Variants in PLCB4 observed in about 807,000 individuals in gnomAD.
The protein encoded by PLCB4 is phospholipase C beta 4.
Under a neutral mutation model 178.8 loss-of-function variants are expected in PLCB4, and 77 were observed. The observed-to-expected ratio is 0.43, with a 90% CI of 0.36 to 0.52. The LOEUF (loss-of-function observed/expected upper bound fraction) is 0.52, where lower values mean the gene tolerates loss of function less well. Among genes scored for constraint, PLCB4 ranks in the 20% least tolerant of loss-of-function variants. PLCB4 has a pLI of 0.00. For synonymous variants in PLCB4, 496 were observed against 490.8 expected, an observed-to-expected ratio of 1.01 and a Z score of -0.14; for missense variants, 1,024 against 1,453.4, an observed-to-expected ratio of 0.70 and a Z score of 4.80.
At chr20:9,260,457 G>C (rs917057547) in intron 3 of PLCB4, among the ~76,000 whole-genome samples, 5 of 152,006 alleles carry the variant, frequency 3.3e-5, no homozygotes, top group African/African-American at 1.2e-4. Context: ...ATGGCACAGT[G>C]GTTCCCTTTG....
At chr20:9,474,816 C>T (rs1304650265) in intron 38 of PLCB4, among the ~76,000 whole-genome samples, 1 of 152,104 alleles carries the variant, frequency 6.6e-6, no homozygotes, top group Admixed American at 6.5e-5. Flanking sequence ...GTTATGTTTC[C>T]CATTTCCTTT....
intron 12 of PLCB4, among the ~76,000 whole-genome samples, chr20:9,373,824 C>A (rs2036449002): frequency 6.6e-6 from 1 of 152,176 alleles, no homozygotes; most frequent in Non-Finnish European, 1.5e-5. Flanking sequence ...CTAAAATGAA[C>A]TACTTTTTTC....
chr20:9,330,979 T>C (rs2031561254), intron 4 of PLCB4, among the ~76,000 whole-genome samples: 1 of 152,206 alleles, frequency 6.6e-6, no homozygotes, highest in South Asian at 2.1e-4. Context: ...ACATTCTCAA[T>C]ATTAATTCTT....
At chr20:9,406,877 C>T (rs2076957854) in intron 21 of PLCB4, among the ~76,000 whole-genome samples, 2 of 152,156 alleles carry the variant, frequency 1.3e-5, no homozygotes, top group Non-Finnish European at 2.9e-5. Context: ...GGAAATTTAG[C>T]TTTGCAAAGT....
intron 2 of PLCB4, among the ~76,000 whole-genome samples, chr20:9,202,932 A>G (rs1399310381): frequency 6.6e-6 from 1 of 151,574 alleles, no homozygotes; most frequent in Non-Finnish European, 1.5e-5. Context: ...CCATCAAAAA[A>G]ACAAAAACAA....
chr20:9,316,226 C>G (rs2147929025), intron 4 of PLCB4, among the ~76,000 whole-genome samples: 1 of 152,160 alleles, frequency 6.6e-6, no homozygotes, highest in East Asian at 1.9e-4. Context: ...ATTCTCAGGC[C>G]CATCCCACGG....
chr20:9,251,278 C>T (rs750747393), intron 3 of PLCB4, among the ~76,000 whole-genome samples: 24 of 152,164 alleles, frequency 1.6e-4, no homozygotes, highest in Admixed American at 3.3e-4. Flanking sequence ...GTCCTCATAT[C>T]GGCTGCATAG....
chr20:9,108,925 GAA>G (rs375932010), intron 2 of PLCB4, among the ~76,000 whole-genome samples: 30 of 134,184 alleles, frequency 2.2e-4, no homozygotes, highest in South Asian at 2.5e-4. Flanking sequence ...GAGAGAGAGA[GAA>G]AGAGAGAGAG....
At chr20:9,386,506 T>A (rs879930224) in intron 14 of PLCB4, among the ~76,000 whole-genome samples, 7 of 152,068 alleles carry the variant, frequency 4.6e-5, no homozygotes, top group Non-Finnish European at 8.8e-5. Flanking sequence ...TTTTTTTGGA[T>A]ATGGAAATAT....
chr20:9,263,109 A>G (rs140528724), intron 3 of PLCB4, among the ~76,000 whole-genome samples: 60 of 152,228 alleles, frequency 3.9e-4, no homozygotes, highest in African/African-American at 1.2e-3. Context: ...TTCAATCCCA[A>G]ACTCTCAAGA....
chr20:9,155,023 T>C (rs909416827), intron 2 of PLCB4, among the ~76,000 whole-genome samples: 1 of 150,924 alleles, frequency 6.6e-6, no homozygotes, highest in Non-Finnish European at 1.5e-5. Context: ...TAGTGGTGAA[T>C]TCTGAGATTT....
At chr20:9,227,177 C>T (rs1214196038) in intron 3 of PLCB4, among the ~76,000 whole-genome samples, 2 of 144,930 alleles carry the variant, frequency 1.4e-5, no homozygotes, top group East Asian at 4.1e-4. Flanking sequence ...CATTGTAAGA[C>T]TTTTTTTTTT....
chr20:9,231,975 G>A (rs543820130), intron 3 of PLCB4, among the ~76,000 whole-genome samples: 2 of 152,116 alleles, frequency 1.3e-5, no homozygotes. Flanking sequence ...CAATAAAAAA[G>A]CAATAGGTCA....
rs570669229 is a variant in PLCB4 at position 9,415,310 on chromosome 20, A to G, written c.2051+4222A>G. On this transcript the variant is annotated intron_variant, in intron 25 of 39. Transcript: ENST00000378473. Reference sequence around the variant, plus strand: ...TTTTAATATTTTTGGAACAGAGTTGACCAGGGGTAGCTGAAGCCTCAGAAA... The same window carrying G: ...TTTTAATATTTTTGGAACAGAGTTGGCCAGGGGTAGCTGAAGCCTCAGAAA... Among the ~76,000 whole-genome samples, 3 of 152,302 alleles carry G rather than the reference A, an allele frequency of 2.0e-5. No homozygotes were observed. The Middle Eastern group carries it at 0.01, about 518-fold the overall frequency.
intron 20 of PLCB4, 28 bp downstream of exon 20, chr20:9,401,618 T>G (rs2039031789): frequency 7.0e-7 from 1 of 1,423,600 alleles, no homozygotes. Context: ...TTCATCACTC[T>G]CAAGAGGTAG....
chr20:9,229,391 A>G (rs892529156), intron 3 of PLCB4, among the ~76,000 whole-genome samples: 4 of 151,672 alleles, frequency 2.6e-5, no homozygotes, highest in African/African-American at 9.7e-5. Context: ...TTCTGCAAAC[A>G]AAGGAAGGAT....
intron 2 of PLCB4, among the ~76,000 whole-genome samples, chr20:9,209,158 T>C (rs947004037): frequency 2.0e-5 from 3 of 152,206 alleles, no homozygotes; most frequent in Non-Finnish European, 4.4e-5. Flanking sequence ...ACATCTCTTA[T>C]AGATTTAGAA....
intron 27 of PLCB4, among the ~76,000 whole-genome samples, chr20:9,422,724 CTT>C (rs1317811958): frequency 6.6e-6 from 1 of 152,154 alleles, no homozygotes; most frequent in Non-Finnish European, 1.5e-5. Flanking sequence ...GCTTTAAAAA[CTT>C]TGTTTTCTTT....
chr20:9,257,679 G>A (rs1168690359), intron 3 of PLCB4, among the ~76,000 whole-genome samples: 1 of 152,132 alleles, frequency 6.6e-6, no homozygotes, highest in Non-Finnish European at 1.5e-5. Context: ...TACATATTTG[G>A]ACCAAGATTC....
Sources: gnomAD v4.1 joint callset for allele counts (sites outside exome capture counted in the v4.1 genomes callset) on GRCh38, gnomAD v4.1.1 for gene constraint, MANE v1.5 for transcripts, NCBI Gene and HGNC (gene_info 2026-07-23, HGNC 2026-07-21) for gene names.